The following FANCM variants were observed in gnomAD, a reference collection of about 807,000 sequenced individuals.
FANCM encodes Fanconi anemia group M protein.
A neutral mutation model predicts 199.5 loss-of-function variants in FANCM; 140 were observed. The observed-to-expected ratio is 0.70, with a 90% confidence interval of 0.61 to 0.81. The LOEUF is 0.81. FANCM is among the 30% of genes least tolerant of loss of function. The probability of loss-of-function intolerance (pLI) is 0.00; values close to 1 mark genes in which losing one functional copy is unlikely to be tolerated. For missense variants in FANCM, 2,410 were observed against 2,421.4 expected, an observed-to-expected ratio of 1.00 and a Z score of 0.10; for synonymous variants, 840 against 836.8, an observed-to-expected ratio of 1.00 and a Z score of -0.07.
chr14:45,136,205 T>G lies in FANCM; in HGVS notation c.174T>G (p.Leu58=), dbSNP rs1178326678. 1 of 1,614,128 alleles carries G rather than the reference T, an allele frequency of 6.2e-7. No individual in the cohort carries two copies. The highest frequency in any genetic ancestry group is 8.5e-7 in the Non-Finnish European group (1 of 1,180,030). ...AQLESDDDVL[L]VAAYEAERQL... The stretch of plus-strand genomic sequence containing the variant: ...TGGAGTCGGACGATGATGTGTTGCT[T>G]GTCGCGGCGTACGAGGCTGAGCGGC... Residue 58 remains leucine, a synonymous_variant, in exon 1 of 23, where the codon CTT becomes CTG. Coordinates refer to ENST00000267430, the MANE Select transcript of FANCM (RefSeq NM_020937.4).
In FANCM at chr14:45,175,960, T is replaced by C. The variant is rs1397823483; in HGVS notation, c.3206T>C (p.Ile1069Thr). The C allele has an allele frequency of 3.1e-6, 5 of 1,613,308 alleles. No individual in the cohort carries two copies. The highest frequency in any genetic ancestry group is 1.6e-4 in the Middle Eastern group (1 of 6,078). ...YPSEKSCLYDIPNDNISDEPS... is the reference protein window; with the variant it reads ...YPSEKSCLYDTPNDNISDEPS... Reference sequence around the variant, plus strand: ...TCTGAAAAAAGTTGCCTTTATGATATACCTAATGATAATATTTCTGATGAG... The same window carrying C: ...TCTGAAAAAAGTTGCCTTTATGATACACCTAATGATAATATTTCTGATGAG... The change falls in exon 14 of 23, where the codon ATA becomes ACA. Residue 1069 changes from isoleucine to threonine, a missense_variant. By Grantham distance (89) the Ile-to-Thr change is moderately conservative. Coordinates refer to ENST00000267430, the MANE Select transcript of FANCM (RefSeq NM_020937.4).
rs751104662 is a variant in FANCM at position 45,188,958 on chromosome 14, G to C, written c.4936G>C (p.Ala1646Pro). 34 of 1,614,012 alleles carry C rather than the reference G, an allele frequency of 2.1e-5. No individual in the cohort carries two copies. The South Asian group carries it at 3.6e-4, about 17-fold the overall frequency. The change falls in exon 20 of 23, where the codon GCA becomes CCA. Residue 1646 changes from alanine to proline, a missense_variant. Ala to Pro is a conservative substitution (Grantham distance 27). Coordinates refer to ENST00000267430, the MANE Select transcript of FANCM (RefSeq NM_020937.4). ...TAGTAAAAAGTATAAAACTCGACGT[G>C]CAGTAATGCTAAAAGAAATGATGGA... The part of the protein sequence containing the change: ...ANSKKYKTRR[A>P]VMLKEMMEQN...
At chr14:45,146,371 A>G (rs1467504018) in intron 3 of FANCM, among the ~76,000 whole-genome samples, 1 of 151,620 alleles carries the variant, frequency 6.6e-6, no homozygotes, top group Non-Finnish European at 1.5e-5. Flanking sequence ...TTTTGTGTAG[A>G]TAGTTGTCAA....
At chr14:45,148,577 C>T (rs1886593274) in intron 3 of FANCM, among the ~76,000 whole-genome samples, 1 of 152,128 alleles carries the variant, frequency 6.6e-6, no homozygotes, top group African/African-American at 2.4e-5. Flanking sequence ...ACTTTTTGGA[C>T]ATTTACAAAT....
intron 13 of FANCM, 81 bp downstream of exon 13, chr14:45,173,291 T>A: frequency 8.0e-7 from 1 of 1,247,212 alleles, no homozygotes. Flanking sequence ...TAATTTGAAG[T>A]AATAAGAAAT....
Position 45,175,587 on chromosome 14 carries a change from G to A in FANCM, c.2833G>A (p.Gly945Ser). 6.2e-7 allele frequency: 1 copy of A among 1,613,414 alleles called. No individual in the cohort carries two copies. Among genetic ancestry groups the A allele is most frequent in the East Asian group, 2.2e-5 (1 of 44,828 alleles). The change falls in exon 14 of 23, where the codon GGT becomes AGT. Residue 945 changes from glycine (G) to serine (S), a missense_variant. Transcript: ENST00000267430. ...ACTTGCTGGAAATGTTTTAGATTCT[G>A]GTTATAACAGTTTCAATGATGAAAA... ...SSLAGNVLDS[G>S]YNSFNDEKSV... is the part of the protein sequence containing the mutation.
At chr14:45,146,631 C>G (rs1886404768) in intron 3 of FANCM, among the ~76,000 whole-genome samples, 1 of 151,696 alleles carries the variant, frequency 6.6e-6, no homozygotes, top group South Asian at 2.1e-4. Flanking sequence ...GATATCGAAA[C>G]CATCCTGGCC....
At chr14:45,159,032 G>A (rs1225631335) in intron 8 of FANCM, 64 bp from the exon 9 acceptor site, 10 of 1,028,902 alleles carry the variant, frequency 9.7e-6, no homozygotes, top group Non-Finnish European at 1.4e-6. Context: ...TTTGTCTTTT[G>A]AACTATTTCT....
chr14:45,148,814 C>G, intron 3 of FANCM, 23 bp from the exon 4 acceptor site: 1 of 1,561,458 alleles, frequency 6.4e-7, no homozygotes, highest in Non-Finnish European at 8.8e-7. Context: ...AGTTTATAAT[C>G]ATACTTAATT....
At chr14:45,171,899 G>A (rs998804333) in intron 12 of FANCM, among the ~76,000 whole-genome samples, 1 of 152,100 alleles carries the variant, frequency 6.6e-6, no homozygotes, top group Non-Finnish European at 1.5e-5. Flanking sequence ...TGGATCAAAT[G>A]GTAGTTCTGC....
At chr14:45,198,366 G>A (rs896384816) in intron 21 of FANCM, 4 of 256,116 alleles carry the variant, frequency 1.6e-5, no homozygotes, top group Non-Finnish European at 3.0e-5. Flanking sequence ...CTAGAGATGA[G>A]TAATACAGTC....
Position 45,144,322 on chromosome 14 carries a change from C to A in FANCM, c.759+3613C>A, listed in dbSNP as rs567977403. Reference sequence around the variant, plus strand: ...TGTAGTGTCCCCTCCACCCCCCTCGCCCACTACCCTTCCCAGCCTCTGTAA... The same window carrying A: ...TGTAGTGTCCCCTCCACCCCCCTCGACCACTACCCTTCCCAGCCTCTGTAA... On this transcript the variant is annotated intron_variant, in intron 3 of 22. Coordinates refer to ENST00000267430, the MANE Select transcript of FANCM (RefSeq NM_020937.4). 1.5e-4 allele frequency among the ~76,000 whole-genome samples: 23 copies of A among 149,978 alleles called. No individual in the cohort carries two copies. In the South Asian group the frequency reaches 4.8e-3, roughly 31 times the overall value.
In FANCM at chr14:45,185,338, T is replaced by G. The variant is rs755094018; in HGVS notation, c.4637T>G (p.Leu1546Ter). The change falls in exon 18 of 23, where the codon TTA becomes TGA. Residue 1546 changes from leucine (L) to a stop codon, truncating the protein, a stop_gained. Transcript: ENST00000267430. LOFTEE classifies it high-confidence loss of function. ...CAAGATTCCTCATTACTTGACTTTT[T>G]AAATGATGAAACTCAACTTTCACAG... ...NEQDSSLLDF[L>*]NDETQLSQAI... 1.9e-6 allele frequency: 3 copies of G among 1,593,514 alleles called. No individual in the cohort carries two copies. In the Admixed American group the frequency reaches 5.1e-5, roughly 27 times the overall value.
At chr14:45,151,044 G>T (rs1430024583) in intron 4 of FANCM, among the ~76,000 whole-genome samples, 1 of 152,214 alleles carries the variant, frequency 6.6e-6, no homozygotes. Flanking sequence ...AACTGGTCTA[G>T]ATACTGAGGA....
rs545791642 is a variant in FANCM at position 45,168,761 on chromosome 14, A to G, written c.2002+1598A>G. The stretch of plus-strand genomic sequence containing the variant: ...TGCTAATGTATGCTAACTATATACT[A>G]GTGTTTATACATAGTATATATTTTA... On this transcript the variant is annotated intron_variant, in intron 11 of 22. Transcript: ENST00000267430. Among the ~76,000 whole-genome samples the G allele has an allele frequency of 5.1e-3, 739 of 145,968 alleles. 4 individuals carry two copies. The highest frequency in any genetic ancestry group is 8.6e-3 in the Non-Finnish European group (575 of 67,206).
chr14:45,182,246 T>C (rs1405956148), intron 16 of FANCM, among the ~76,000 whole-genome samples: 1 of 152,062 alleles, frequency 6.6e-6, no homozygotes, highest in Non-Finnish European at 1.5e-5. Context: ...GAGAAGGCAT[T>C]GTTTACAGAA....
At chr14:45,193,388 C>G (rs535966295) in intron 20 of FANCM, among the ~76,000 whole-genome samples, 40 of 152,280 alleles carry the variant, frequency 2.6e-4, no homozygotes, top group East Asian at 2.5e-3. Context: ...CCTAGTGCTC[C>G]CTCCCACCAG....
Position 45,164,554 on chromosome 14 carries a change from C to T in FANCM, c.1777C>T (p.Arg593Ter), listed in dbSNP as rs773014744. Reference protein sequence around the residue: ...GRIVIILSEGREERIYNQSQS... With the variant: ...GRIVIILSEG ...GATAGTTATTATCCTTTCTGAAGGA[C>T]GAGAGGAACGTGTAAGTAGAGCTGC... Residue 593 changes from arginine to a stop codon, truncating the protein, a stop_gained, in exon 10 of 23, where the codon CGA becomes TGA. Coordinates refer to ENST00000267430, the MANE Select transcript of FANCM (RefSeq NM_020937.4). LOFTEE classifies it high-confidence loss of function. 2.2e-5 allele frequency: 35 copies of T among 1,610,722 alleles called. No homozygotes were observed. The highest frequency in any genetic ancestry group is 6.7e-5 in the African/African-American group (5 of 74,792).
chr14:45,159,366 T>A (rs1887423629), intron 9 of FANCM, 86 bp downstream of exon 9: 1 of 902,040 alleles, frequency 1.1e-6, no homozygotes, highest in Admixed American at 2.4e-5. Context: ...AACTCACTGG[T>A]CAATTAGCTA....
Sources: allele counts gnomAD v4.1 joint callset (sites outside exome capture counted in the v4.1 genomes callset), GRCh38; gene constraint gnomAD v4.1.1; transcripts MANE v1.5; gene names NCBI Gene and HGNC (gene_info 2026-07-23, HGNC 2026-07-21).